Variants in NVL observed in about 807,000 individuals in gnomAD.
The protein encoded by NVL is nuclear valosin-containing protein-like.
NVL carries 84 observed loss-of-function variants against 110.2 expected under a neutral mutation model. The ratio of observed to expected loss-of-function variants is 0.76; its 90% CI spans 0.64 to 0.91. The LOEUF (loss-of-function observed/expected upper bound fraction) is 0.91. Among genes scored for constraint, NVL ranks in the 40% least tolerant of loss-of-function variants. The probability of loss-of-function intolerance (pLI) is 0.00; values close to 1 mark genes in which losing one functional copy is unlikely to be tolerated. For missense variants in NVL, 882 were observed against 1,035.9 expected (o/e 0.85, Z 2.04); for synonymous variants, 354 against 361.1 (o/e 0.98, Z 0.22).
At chr1:224,250,345 TTAAA>T in intron 18 of NVL, 27 bp from the exon 19 acceptor site, 1 of 1,520,106 alleles carries the variant, frequency 6.6e-7, no homozygotes, top group Non-Finnish European at 8.8e-7. Context: ...AAAAAAAGTC[TTAAA>T]TAAAACCTTT....
At chr1:224,312,882 T>G (rs1669667162) in intron 4 of NVL, 1 of 145,676 alleles carries the variant, frequency 6.9e-6, no homozygotes, top group South Asian at 2.1e-4. Context: ...TTTAAATAAT[T>G]TTTTTTTTTT....
At position 224,281,458 on chromosome 1, in the gene NVL, G is replaced by A. The variant is rs191751521; in HGVS notation, c.1900-273C>T. On this transcript the variant is annotated intron_variant, in intron 15 of 22. Transcript: ENST00000281701. ...TGGGACTACAGGCGCCCGCCACCAC[G>A]CCCGGCTAATTTTTTATATTTTTAG... 4.3e-3 allele frequency among the ~76,000 whole-genome samples: 649 copies of A among 151,514 alleles called. 2 individuals are homozygous for A. Among genetic ancestry groups the A allele is most frequent in the Non-Finnish European group, 7.3e-3 (498 of 67,850 alleles).
intron 19 of NVL, among the ~76,000 whole-genome samples, chr1:224,239,971 C>G (rs980557443): frequency 2.0e-5 from 3 of 152,060 alleles, no homozygotes; most frequent in African/African-American, 7.2e-5. Flanking sequence ...AATCTCGGCT[C>G]ACTGCAACTT....
chr1:224,282,046 C>CT (rs909051334), intron 15 of NVL, among the ~76,000 whole-genome samples: 6 of 145,572 alleles, frequency 4.1e-5, no homozygotes, highest in African/African-American at 2.5e-5. Flanking sequence ...TAACGTACAA[C>CT]TTTTTTTTTT....
intron 9 of NVL, among the ~76,000 whole-genome samples, chr1:224,300,998 G>A (rs1402205818): frequency 6.6e-6 from 1 of 151,820 alleles, no homozygotes; most frequent in Non-Finnish European, 1.5e-5. Context: ...CCAGCTACTT[G>A]GGAAGGCTGA....
At chr1:224,319,824 G>A (rs1272049045) in intron 2 of NVL, among the ~76,000 whole-genome samples, 1 of 152,010 alleles carries the variant, frequency 6.6e-6, no homozygotes, top group Non-Finnish European at 1.5e-5. Context: ...TTAATTTACA[G>A]TGGATCGATC....
At chr1:224,232,577 C>T (rs1454070239) in intron 21 of NVL, among the ~76,000 whole-genome samples, 1 of 151,986 alleles carries the variant, frequency 6.6e-6, no homozygotes, top group East Asian at 1.9e-4. Flanking sequence ...GCAGGCTGCT[C>T]TCAAACTCCT....
chr1:224,329,058 T>C (rs116499796), intron 1 of NVL, among the ~76,000 whole-genome samples: 6 of 150,622 alleles, frequency 4.0e-5, no homozygotes, highest in Non-Finnish European at 8.9e-5. Context: ...ATAATAATAA[T>C]AAATTAGCCA....
At chr1:224,285,912 C>T in intron 15 of NVL, 114 bp downstream of exon 15, 1 of 707,238 alleles carries the variant, frequency 1.4e-6, no homozygotes, top group Non-Finnish European at 2.2e-6. Flanking sequence ...CTAAAATAAA[C>T]TTCTGATAAA....
chr1:224,320,472 C>A (rs563111784), intron 2 of NVL, among the ~76,000 whole-genome samples: 3 of 152,158 alleles, frequency 2.0e-5, no homozygotes, highest in African/African-American at 7.2e-5. Flanking sequence ...CATGGTAAAA[C>A]CCCATCTCTA....
In NVL at chr1:224,311,963, T is replaced by G. The variant is rs1018886970; in HGVS notation, c.285-106A>C. On this transcript the variant is annotated intron_variant, in intron 4 of 22. Coordinates refer to ENST00000281701, the MANE Select transcript of NVL (RefSeq NM_002533.4). ...TATTCAGCCAAAAGATTATGGTGGT[T>G]AAGAGTCCAAACTCTGGAATCAGAG... 3 of 820,742 alleles carry G rather than the reference T, an allele frequency of 3.7e-6. No homozygotes were observed. In the African/African-American group the frequency reaches 5.2e-5, roughly 14 times the overall value. The allele number at this position is 820,742 out of a possible 1,614,324, so 50.8% of individuals were successfully genotyped here. A position where few individuals can be genotyped will look rare whatever the true frequency, so the allele number is the denominator to read the frequency against.
intron 22 of NVL, among the ~76,000 whole-genome samples, chr1:224,230,030 C>G (rs940981299): frequency 2.6e-5 from 4 of 152,010 alleles, no homozygotes; most frequent in Non-Finnish European, 5.9e-5. Context: ...CAGGGTCTCA[C>G]CATGTTGCCC....
At chr1:224,233,368 A>T in intron 20 of NVL, 79 bp from the exon 21 acceptor site, 2 of 1,005,450 alleles carry the variant, frequency 2.0e-6, no homozygotes, top group Non-Finnish European at 2.9e-6. Flanking sequence ...CAGTTTTCAT[A>T]TAAGTCATAT....
At chr1:224,241,262 A>ATT (rs2102725402) in intron 19 of NVL, among the ~76,000 whole-genome samples, 1 of 152,342 alleles carries the variant, frequency 6.6e-6, no homozygotes, top group East Asian at 1.9e-4. Context: ...TATAGTAAGA[A>ATT]CTAAAATGAA....
Position 224,227,385 on chromosome 1 carries a change from A to G in NVL, c.*241T>C, listed in dbSNP as rs560402193. On this transcript the variant is annotated 3_prime_UTR_variant, in exon 23 of 23. Transcript: ENST00000281701. The stretch of plus-strand genomic sequence containing the variant: ...GTTTTATTTGAAAAATGTAACAGTC[A>G]TTTTATTTCAGCAGTTTAAAAATTG... 3 of 321,286 alleles carry G rather than the reference A, an allele frequency of 9.3e-6. No homozygotes were observed. The South Asian group carries it at 2.6e-4, about 28-fold the overall frequency. 19.9% of individuals were successfully genotyped at this position (321,286 alleles called of 1,614,324 possible).
In NVL at chr1:224,273,997, A is replaced by T. The variant is rs1304678004; in HGVS notation, c.2082+1342T>A. On this transcript the variant is annotated intron_variant, in intron 17 of 22. Transcript: ENST00000281701. ...CTTTTGAATGTTTTCGGAGATTTTT[A>T]GCAAAATGAGGCATGTAATAATGTT... 3.3e-5 allele frequency among the ~76,000 whole-genome samples: 5 copies of T among 150,336 alleles called. No homozygotes were observed. In the Admixed American group the frequency reaches 3.3e-4, roughly 10 times the overall value.
At position 224,306,259 on chromosome 1, in the gene NVL, C is replaced by CTCTTAAAAAAAAATTTTTTTTTT. The variant is rs1191296311; in HGVS notation, c.616-1116_616-1094dup. On this transcript the variant is annotated intron_variant, in intron 6 of 22. Coordinates refer to ENST00000281701, the MANE Select transcript of NVL (RefSeq NM_002533.4). ...CCTGGGTGATGTAGCAATATTCCAA[C>CTCTTAAAAAAAAATTTTTTTTTT]TCTTAAAAAAAAATTTTTTTTTTTT... Among the ~76,000 whole-genome samples the CTCTTAAAAAAAAATTTTTTTTTT allele has an allele frequency of 1.3e-4, 20 of 152,122 alleles. No homozygotes were observed. The South Asian group carries it at 3.9e-3, about 30-fold the overall frequency.
chr1:224,254,659 C>T (rs1257693764), intron 18 of NVL, among the ~76,000 whole-genome samples: 1 of 150,150 alleles, frequency 6.7e-6, no homozygotes, highest in Non-Finnish European at 1.5e-5. Flanking sequence ...AGGTGATCTG[C>T]TCATCTCGGC....
At chr1:224,248,764 T>C (rs1263312642) in intron 19 of NVL, among the ~76,000 whole-genome samples, 1 of 152,202 alleles carries the variant, frequency 6.6e-6, no homozygotes, top group Non-Finnish European at 1.5e-5. Context: ...GTGATGTCTA[T>C]TAATATTCCA....
Sources: allele counts gnomAD v4.1 joint callset (sites outside exome capture counted in the v4.1 genomes callset), GRCh38; gene constraint gnomAD v4.1.1; transcripts MANE v1.5; gene names NCBI Gene and HGNC (gene_info 2026-07-23, HGNC 2026-07-21).